UNC45B: variants seen among roughly 807,000 people sequenced by gnomAD.
The protein encoded by UNC45B is protein unc-45 homolog B.
In UNC45B, 78 loss-of-function variants were observed where a neutral mutation model predicts 98.7. The ratio of observed to expected loss-of-function variants is 0.79; its 90% CI spans 0.66 to 0.95. The LOEUF is 0.95. Among genes scored for constraint, UNC45B ranks in the 40% least tolerant of loss-of-function variants. The pLI is 0.00. For synonymous variants in UNC45B, 462 were observed against 480.4 expected, an observed-to-expected ratio of 0.96 and a Z score of 0.50; for missense variants, 1,225 against 1,184.9, an observed-to-expected ratio of 1.03 and a Z score of -0.50.
At chr17:35,168,955 C>A (rs961509033) in intron 10 of UNC45B, among the ~76,000 whole-genome samples, 2 of 152,124 alleles carry the variant, frequency 1.3e-5, no homozygotes, top group Non-Finnish European at 2.9e-5. Flanking sequence ...GATCCACCCC[C>A]CTGGGCCTCC....
intron 8 of UNC45B, 118 bp downstream of exon 8, chr17:35,159,663 T>A: frequency 1.7e-6 from 2 of 1,197,636 alleles, no homozygotes; most frequent in South Asian, 1.6e-5. Flanking sequence ...ACTGAAAAGA[T>A]GAGAAAAGGC....
At chr17:35,165,968 T>C (rs2092135916) in intron 9 of UNC45B, among the ~76,000 whole-genome samples, 1 of 149,984 alleles carries the variant, frequency 6.7e-6, no homozygotes, top group African/African-American at 2.5e-5. Context: ...AAAAAGCTGC[T>C]GGCCAGGTGT....
intron 17 of UNC45B, among the ~76,000 whole-genome samples, chr17:35,178,975 T>C (rs537172245): frequency 6.6e-6 from 1 of 152,324 alleles, no homozygotes; most frequent in Non-Finnish European, 1.5e-5. Flanking sequence ...GGTAGCGTGA[T>C]ACCTGACCCT....
chr17:35,181,407 C>T lies in UNC45B; in HGVS notation c.2373+731C>T, dbSNP rs114693024. Among the ~76,000 whole-genome samples, 1,108 of 152,320 alleles carry T rather than the reference C, an allele frequency of 7.3e-3. 20 individuals carry two copies. Among genetic ancestry groups the T allele is most frequent in the African/African-American group, 0.026 (1,069 of 41,572 alleles). On this transcript the variant is annotated intron_variant, in intron 18 of 19. Transcript: ENST00000394570. ...GCCGAATGTCCCTCCTGGGCCCTCA[C>T]ATAGGGGCTAGCGTGAGACCCAGTC...
At chr17:35,172,372 C>G (rs2092193403) in intron 13 of UNC45B, among the ~76,000 whole-genome samples, 1 of 152,074 alleles carries the variant, frequency 6.6e-6, no homozygotes, top group Non-Finnish European at 1.5e-5. Flanking sequence ...GCCTCAGTCT[C>G]TCAAGTAGCT....
Position 35,188,564 on chromosome 17 carries a change from C to G in UNC45B, c.*2005C>G, listed in dbSNP as rs767909069. 2 of 151,090 alleles carry G rather than the reference C, an allele frequency of 1.3e-5. No individual in the cohort carries two copies. The highest frequency in any genetic ancestry group is 2.9e-5 in the Non-Finnish European group (2 of 67,978). The allele number at this position is 151,090 out of a possible 1,614,324, so 9.4% of individuals were successfully genotyped here. ...TCATGGCTCACCGCAGCCTTGGTCT[C>G]CTGGGCTCAAGTGATCTTTCTACTT... On this transcript the variant is annotated 3_prime_UTR_variant, in exon 20 of 20. Coordinates refer to ENST00000394570, the MANE Select transcript of UNC45B (RefSeq NM_001267052.2).
chr17:35,161,867 A>G (rs1004823881), intron 8 of UNC45B, among the ~76,000 whole-genome samples: 1 of 152,118 alleles, frequency 6.6e-6, no homozygotes, highest in African/African-American at 2.4e-5. Flanking sequence ...ATCACTAATA[A>G]CTAATGATTT....
chr17:35,154,557 G>A lies in UNC45B; in HGVS notation c.472-17G>A. Reference sequence around the variant, plus strand: ...CCGTACCTCCCTCGTAACCCTTATTGCCTCTTCCTCCTTCAGGCTGCCAAC... The same window carrying A: ...CCGTACCTCCCTCGTAACCCTTATTACCTCTTCCTCCTTCAGGCTGCCAAC... On this transcript the variant is annotated splice_polypyrimidine_tract_variant and intron_variant, in intron 5 of 19. Transcript: ENST00000394570. 6.2e-7 allele frequency: 1 copy of A among 1,610,108 alleles called. No individual in the cohort carries two copies. The highest frequency in any genetic ancestry group is 2.2e-5 in the East Asian group (1 of 44,668).
In UNC45B at chr17:35,168,359, G is replaced by A; in HGVS notation, c.1450G>A (p.Val484Met). ...KNEKIKIRTL[V>M]GLCKLGSAGG... is the part of the protein sequence containing the mutation. ...TGAGAAGATCAAGATCCGCACACTG[G>A]TGGTGAGTGGGCTCGGTACCACCCT... The change falls in exon 10 of 20, where the codon GTG (valine) becomes ATG (methionine). Residue 484 changes from valine to methionine, a missense_variant and splice_region_variant. Val to Met is a conservative substitution (Grantham distance 21). Coordinates refer to ENST00000394570, the MANE Select transcript of UNC45B (RefSeq NM_001267052.2). 1 of 1,341,758 alleles carries A rather than the reference G, an allele frequency of 7.5e-7. No individual in the cohort carries two copies. Among genetic ancestry groups the A allele is most frequent in the Non-Finnish European group, 9.6e-7 (1 of 1,036,410 alleles). 83.1% of individuals were successfully genotyped at this position (1,341,758 alleles called of 1,614,324 possible).
chr17:35,184,462 G>A (rs1210699774), intron 19 of UNC45B, among the ~76,000 whole-genome samples: 1 of 152,180 alleles, frequency 6.6e-6, no homozygotes, highest in African/African-American at 2.4e-5. Flanking sequence ...CTTTGAAACC[G>A]CTGCCCTAGA....
rs930826079 is a variant in UNC45B at position 35,152,245 on chromosome 17, C to CA, written c.382-637dup. On this transcript the variant is annotated intron_variant, in intron 4 of 19. Coordinates refer to ENST00000394570, the MANE Select transcript of UNC45B (RefSeq NM_001267052.2). ...TGGGTGACAGAGCAAGACTGCATCT[C>CA]AAAAAAAAAAATTAAAAATTAAAAA... Among the ~76,000 whole-genome samples, 251 of 145,068 alleles carry CA rather than the reference C, an allele frequency of 1.7e-3. 1 individual carries two copies. Among genetic ancestry groups the CA allele is most frequent in the African/African-American group, 5.5e-3 (217 of 39,646 alleles).
chr17:35,186,379 C>G lies in UNC45B; in HGVS notation c.2610C>G (p.Ala870=). 1 of 1,614,186 alleles carries G rather than the reference C, an allele frequency of 6.2e-7. No homozygotes were observed. The stretch of plus-strand genomic sequence containing the variant: ...TCCAACACCGGGGCCTGGTCATTGC[C>G]TACAACCTACTGGCAGCCGATGCTG... The part of the protein sequence containing the change: ...LSVQHRGLVI[A]YNLLAADAEL... The change falls in exon 20 of 20, where the codon GCC becomes GCG. Residue 870 remains alanine, a synonymous_variant. Transcript: ENST00000394570.
chr17:35,178,015 T>A (rs1318970239), intron 17 of UNC45B, among the ~76,000 whole-genome samples: 2 of 152,152 alleles, frequency 1.3e-5, no homozygotes, highest in Non-Finnish European at 2.9e-5. Flanking sequence ...TTTTCCAGCC[T>A]CAGCCTCTCG....
At chr17:35,182,460 C>T (rs2142605464) in intron 18 of UNC45B, among the ~76,000 whole-genome samples, 1 of 152,190 alleles carries the variant, frequency 6.6e-6, no homozygotes, top group Middle Eastern at 3.4e-3. Flanking sequence ...TCTCCTCTGC[C>T]ACACTGGGAG....
chr17:35,151,238 C>T (rs1301161223), intron 4 of UNC45B: 1 of 263,012 alleles, frequency 3.8e-6, no homozygotes, highest in Non-Finnish European at 7.5e-6. Flanking sequence ...CGGGTCGCCA[C>T]GTCTGATCTG....
rs9902956 is a variant in UNC45B at position 35,176,903 on chromosome 17, G to A, written c.2026-114G>A. The A allele has an allele frequency of 0.19, 138,780 of 725,650 alleles. 13,961 individuals carry two copies. Among genetic ancestry groups the A allele is most frequent in the Admixed American group, 0.25 (10,742 of 42,948 alleles). 45.0% of individuals were successfully genotyped at this position (725,650 alleles called of 1,614,324 possible). On this transcript the variant is annotated intron_variant, in intron 15 of 19. Transcript: ENST00000394570. ...CATGATGTGCAAGGGCTGATTATACGGCAGAATTTTCCTGGACCTCCCATG... is the reference window on the plus strand; with the variant it reads ...CATGATGTGCAAGGGCTGATTATACAGCAGAATTTTCCTGGACCTCCCATG...
At chr17:35,178,467 A>C (rs2142591429) in intron 17 of UNC45B, among the ~76,000 whole-genome samples, 1 of 152,000 alleles carries the variant, frequency 6.6e-6, no homozygotes, top group South Asian at 2.1e-4. Flanking sequence ...GATTGCAAAA[A>C]TTTTCTCCCA....
chr17:35,162,311 G>A (rs2092107850), intron 8 of UNC45B, among the ~76,000 whole-genome samples: 1 of 152,188 alleles, frequency 6.6e-6, no homozygotes, highest in African/African-American at 2.4e-5. Flanking sequence ...CTAACCCCAA[G>A]TGGTTAGTGT....
At chr17:35,170,377 T>A in intron 12 of UNC45B, 122 bp downstream of exon 12, 1 of 1,204,754 alleles carries the variant, frequency 8.3e-7, no homozygotes. Flanking sequence ...ATAAACATGA[T>A]TGGTTATTTC....
Sources: gnomAD v4.1 joint callset for allele counts (sites outside exome capture counted in the v4.1 genomes callset) on GRCh38, gnomAD v4.1.1 for gene constraint, MANE v1.5 for transcripts, NCBI Gene and HGNC (gene_info 2026-07-23, HGNC 2026-07-21) for gene names.